IKBKB: variants seen among roughly 807,000 people sequenced by gnomAD.
IKBKB encodes the protein inhibitor of nuclear factor kappa-B kinase subunit beta.
IKBKB carries 42 observed loss-of-function variants against 113.6 expected under a neutral mutation model. The observed-to-expected ratio is 0.37, with a 90% CI of 0.29 to 0.48. IKBKB has a LOEUF of 0.48. Among genes scored for constraint, IKBKB ranks in the 20% least tolerant of loss-of-function variants. The probability of loss-of-function intolerance (pLI) is 0.99; values close to 1 mark genes in which losing one functional copy is unlikely to be tolerated. For missense variants in IKBKB, 673 were observed against 939.7 expected (o/e 0.72, Z 3.71); for synonymous variants, 296 against 361.3 (o/e 0.82, Z 2.05).
At chr8:42,282,433 C>T (rs1024296395) in intron 2 of IKBKB, among the ~76,000 whole-genome samples, 2 of 152,174 alleles carry the variant, frequency 1.3e-5, no homozygotes, top group African/African-American at 4.8e-5. Flanking sequence ...TCTCAAACCC[C>T]CGGGCTCTAG....
intron 9 of IKBKB, among the ~76,000 whole-genome samples, chr8:42,315,599 A>C (rs1271223938): frequency 6.6e-6 from 1 of 152,150 alleles, no homozygotes; most frequent in African/African-American, 2.4e-5. Context: ...GGGGTCACCT[A>C]AGCTAGGATG....
intron 4 of IKBKB, among the ~76,000 whole-genome samples, chr8:42,291,662 A>G (rs369206523): frequency 1.3e-5 from 2 of 152,192 alleles, no homozygotes; most frequent in African/African-American, 4.8e-5. Flanking sequence ...GCCTCTTAAA[A>G]AAAAATTTTT....
rs756233855 is a variant in IKBKB, at chr8:42,322,073, C to A, written c.1758C>A (p.Asp586Glu). Residue 586 changes from aspartate to glutamate, a missense_variant, in exon 18 of 22, where the codon GAC becomes GAA. By Grantham distance (45) the Asp-to-Glu change is conservative (BLOSUM62 2). Around this residue, in one of 2 missense-constraint regions of IKBKB, gnomAD observed 506 missense variants for 638.7 expected, o/e 0.79. Coordinates refer to ENST00000520810, the MANE Select transcript of IKBKB (RefSeq NM_001556.3). ...CTCCAGACCAGCGAACTGAGGGTGA[C>A]AGTCAGGAAATGGTACGGCTGCTGC... is the stretch of plus-strand genomic sequence containing the variant. ...EKPRDQRTEG[D>E]SQEMVRLLLQ... The A allele has an allele frequency of 3.1e-6, 5 of 1,613,894 alleles. No homozygotes were observed. The South Asian group carries it at 5.5e-5, about 18-fold the overall frequency.
chr8:42,321,992 A>G, intron 17 of IKBKB, 47 bp downstream of exon 17: 1 of 1,607,328 alleles, frequency 6.2e-7, no homozygotes, highest in Non-Finnish European at 8.5e-7. Flanking sequence ...TATCTCATTT[A>G]TGGGGCATCA....
chr8:42,300,849 T>C (rs1334127077), intron 5 of IKBKB, among the ~76,000 whole-genome samples: 1 of 152,206 alleles, frequency 6.6e-6, no homozygotes, highest in East Asian at 1.9e-4. Context: ...CTGTGTCGTT[T>C]ATTTTAGTTT....
At chr8:42,309,285 A>G (rs1409168681) in intron 8 of IKBKB, among the ~76,000 whole-genome samples, 1 of 152,208 alleles carries the variant, frequency 6.6e-6, no homozygotes, top group East Asian at 1.9e-4. Flanking sequence ...TGTCAGTGTC[A>G]TCTGCTCTGT....
chr8:42,316,198 T>TC lies in IKBKB; in HGVS notation c.801-10dup. The TC allele has an allele frequency of 6.2e-7, 1 of 1,613,662 alleles. No homozygotes were observed. Among genetic ancestry groups the TC allele is most frequent in the Non-Finnish European group, 8.5e-7 (1 of 1,179,810 alleles). ...GGAAGTGTCTCCTCACACACTATGC[T>TC]CCTCTCCACAGTGTCCTGGCTGAGC... On this transcript the variant is annotated splice_polypyrimidine_tract_variant and intron_variant, in intron 9 of 21. Transcript: ENST00000520810. This position sits in a 1 kb window ranked among gnomAD's most constrained non-coding sequence, Gnocchi z 4.5.
rs946523062 is a variant in IKBKB at position 42,322,151 on chromosome 8, C to T, written c.1836C>T (p.Leu612=). Residue 612 remains leucine (L), a splice_region_variant and synonymous_variant, in exon 18 of 22, where the codon CTC becomes CTT. Transcript: ENST00000520810. ...AAGTGCGAGTGATCTATACGCAGCTCAGGTATGAGCCCCGACCTTCCTGCT... is the reference window on the plus strand; with the variant it reads ...AAGTGCGAGTGATCTATACGCAGCTTAGGTATGAGCCCCGACCTTCCTGCT... ...EKKVRVIYTQ[L]SKTVVCKQKA... The T allele has an allele frequency of 1.9e-6, 3 of 1,612,122 alleles. No homozygotes were observed. Among genetic ancestry groups the T allele is most frequent in the Non-Finnish European group, 2.5e-6 (3 of 1,178,590 alleles).
intron 8 of IKBKB, 92 bp from the exon 9 acceptor site, chr8:42,314,230 A>T (rs1818247958): frequency 4.4e-6 from 4 of 904,888 alleles, no homozygotes; most frequent in Admixed American, 3.4e-5. Flanking sequence ...TTATGTTCAC[A>T]CAAGGACTAA....
intron 2 of IKBKB, among the ~76,000 whole-genome samples, chr8:42,285,411 G>T (rs1399913739): frequency 6.6e-6 from 1 of 151,994 alleles, no homozygotes; most frequent in Non-Finnish European, 1.5e-5. Context: ...AAAAAAATTA[G>T]CTGGACACAA....
At chr8:42,280,900 G>T (rs1810252714) in intron 2 of IKBKB, among the ~76,000 whole-genome samples, 1 of 152,158 alleles carries the variant, frequency 6.6e-6, no homozygotes. Flanking sequence ...AAGCCTTAAA[G>T]CCTCTGCTCC....
intron 2 of IKBKB, among the ~76,000 whole-genome samples, chr8:42,280,624 C>T (rs138671138): frequency 1.3e-5 from 2 of 152,068 alleles, no homozygotes; most frequent in Admixed American, 1.3e-4. Context: ...CCCAACATGG[C>T]TGGGCAGGAT....
intron 2 of IKBKB, among the ~76,000 whole-genome samples, chr8:42,287,066 C>T (rs1811558624): frequency 6.6e-6 from 1 of 151,542 alleles, no homozygotes; most frequent in Admixed American, 6.6e-5. Flanking sequence ...TCTTGGAGAC[C>T]CCCCCATAGC....
chr8:42,275,407 A>G (rs564480455), intron 2 of IKBKB, among the ~76,000 whole-genome samples: 32 of 152,068 alleles, frequency 2.1e-4, no homozygotes, highest in African/African-American at 7.2e-4. Flanking sequence ...CTGGTCTCGA[A>G]TTCCTGGACA....
rs537903082 is a variant in IKBKB, at chr8:42,276,936, G to A, written c.105+4731G>A. Among the ~76,000 whole-genome samples the A allele has an allele frequency of 2.8e-3, 415 of 145,666 alleles. 1 individual carries two copies. Among genetic ancestry groups the A allele is most frequent in the Non-Finnish European group, 4.3e-3 (285 of 66,922 alleles). ...AGCTGGAGTGCAGTGGTGTGATCTC[G>A]GGTCACTGCAAGCTCCGCCTCCCGG... On this transcript the variant is annotated intron_variant, in intron 2 of 21. Coordinates refer to ENST00000520810, the MANE Select transcript of IKBKB (RefSeq NM_001556.3).
chr8:42,317,209 T>TAA (rs35978252), intron 11 of IKBKB: 6,163 of 295,326 alleles, frequency 0.021, 2 homozygotes, highest in South Asian at 0.036. Context: ...CCAAGTGTAC[T>TAA]AAAAAAAAAA....
intron 7 of IKBKB, 48 bp from the exon 8 acceptor site, chr8:42,308,853 T>TC (rs758105095): frequency 3.1e-6 from 5 of 1,594,526 alleles, no homozygotes; most frequent in East Asian, 4.5e-5. Flanking sequence ...CCTGCCGTGG[T>TC]CCCCCCAGAG....
chr8:42,327,591 C>T (rs1390054261), intron 20 of IKBKB, among the ~76,000 whole-genome samples: 1 of 151,440 alleles, frequency 6.6e-6, no homozygotes, highest in Non-Finnish European at 1.5e-5. Flanking sequence ...CCTCAGCCTC[C>T]CAAAGTGCTG....
chr8:42,304,747 T>C (rs905025726), intron 5 of IKBKB, among the ~76,000 whole-genome samples: 1 of 152,212 alleles, frequency 6.6e-6, no homozygotes, highest in Admixed American at 6.5e-5. Flanking sequence ...AGAATTTAGA[T>C]TTTTGAGCCT....
Sources: gnomAD v4.1 joint callset for allele counts (sites outside exome capture counted in the v4.1 genomes callset) on GRCh38, gnomAD v4.1.1 for gene constraint, gnomAD v4.1.1 regional missense constraint, Gnocchi (gnomAD v3.1) non-coding constraint, MANE v1.5 for transcripts, NCBI Gene and HGNC (gene_info 2026-07-23, HGNC 2026-07-21) for gene names.